The following LMNB1 variants were observed in gnomAD, a reference collection of about 807,000 sequenced individuals.
The protein encoded by LMNB1 is lamin B1.
LMNB1 carries 23 observed loss-of-function variants against 67.1 expected under a neutral mutation model. The ratio of observed to expected loss-of-function variants is 0.34; its 90% CI spans 0.25 to 0.49. LMNB1 has a LOEUF of 0.49. LMNB1 is among the 20% of genes least tolerant of loss of function. The pLI is 0.99. For missense variants in LMNB1, 634 were observed against 746.5 expected, an observed-to-expected ratio of 0.85 and a Z score of 1.76; for synonymous variants, 281 against 282.9, an observed-to-expected ratio of 0.99 and a Z score of 0.07.
intron 5 of LMNB1, among the ~76,000 whole-genome samples, chr5:126,818,431 G>A (rs927355332): frequency 2.0e-5 from 3 of 151,912 alleles, no homozygotes; most frequent in East Asian, 1.9e-4. Context: ...TAGTAGAGAC[G>A]GGGTTTCGCC....
In LMNB1 at chr5:126,821,151, CT is replaced by C. The variant is rs36106959; in HGVS notation, c.1386+24del. On this transcript the variant is annotated intron_variant, in intron 7 of 10. Coordinates refer to ENST00000261366, the MANE Select transcript of LMNB1 (RefSeq NM_005573.4). ...TTCTGAACAGGTAATAAAATAGACC[CT>C]TTTTTTTCTAGCAAGGCTTTGTGGA... 1.5e-5 allele frequency: 23 copies of C among 1,534,738 alleles called. No individual in the cohort carries two copies. Among genetic ancestry groups the C allele is most frequent in the African/African-American group, 2.7e-5 (2 of 73,150 alleles).
intron 1 of LMNB1, among the ~76,000 whole-genome samples, chr5:126,795,933 C>CTTTTTTTTTTTTTTTTTTTTTTT (rs70997314): frequency 2.4e-5 from 2 of 82,084 alleles, no homozygotes; most frequent in African/African-American, 4.5e-5. Flanking sequence ...GCCCAGGATG[C>CTTTTTTTTTTTTTTTTTTTTTTT]TTTTTTTTTT....
chr5:126,777,196 C>T lies in LMNB1; in HGVS notation c.-313C>T. On this transcript the variant is annotated 5_prime_UTR_variant, in exon 1 of 11. Coordinates refer to ENST00000261366, the MANE Select transcript of LMNB1 (RefSeq NM_005573.4). ...AGCAGGAGACGGCGGCGGCGCGAAC[C>T]CTGCTGGGCCTCCAGTCACCCTCGT... 1 of 278,088 alleles carries T rather than the reference C, an allele frequency of 3.6e-6. No individual in the cohort carries two copies. Among genetic ancestry groups the T allele is most frequent in the Non-Finnish European group, 6.7e-6 (1 of 149,602 alleles). 17.2% of individuals were successfully genotyped at this position (278,088 alleles called of 1,614,324 possible). A position where few individuals can be genotyped will look rare whatever the true frequency, so the allele number is the denominator to read the frequency against.
At chr5:126,809,076 T>TA (rs1347156270) in intron 3 of LMNB1, among the ~76,000 whole-genome samples, 1 of 152,112 alleles carries the variant, frequency 6.6e-6, no homozygotes, top group Non-Finnish European at 1.5e-5. Context: ...GGTTTTACCA[T>TA]ATTGGCCAGG....
At chr5:126,782,813 G>A (rs1750662880) in intron 1 of LMNB1, among the ~76,000 whole-genome samples, 1 of 152,202 alleles carries the variant, frequency 6.6e-6, no homozygotes, top group East Asian at 1.9e-4. Flanking sequence ...CTCCCAAAGT[G>A]CTGGGATTAC....
chr5:126,821,159 T>TC lies in LMNB1; in HGVS notation c.1386+25dup, dbSNP rs1339073343. ...AGGTAATAAAATAGACCCTTTTTTT[T>TC]CTAGCAAGGCTTTGTGGATTGCTAG... On this transcript the variant is annotated intron_variant, in intron 7 of 10. Coordinates refer to ENST00000261366, the MANE Select transcript of LMNB1 (RefSeq NM_005573.4). The TC allele has an allele frequency of 4.7e-6, 7 of 1,497,266 alleles. No homozygotes were observed. The Admixed American group carries it at 1.2e-4, about 25-fold the overall frequency. The allele number at this position is 1,497,266 out of a possible 1,614,324, so 92.7% of individuals were successfully genotyped here.
chr5:126,826,954 T>C (rs1752011722), intron 9 of LMNB1, among the ~76,000 whole-genome samples: 1 of 152,240 alleles, frequency 6.6e-6, no homozygotes, highest in Non-Finnish European at 1.5e-5. Flanking sequence ...ATCCTTTGCC[T>C]ACCAGGAGAG....
At chr5:126,786,755 C>G (rs543899321) in intron 1 of LMNB1, among the ~76,000 whole-genome samples, 1 of 152,070 alleles carries the variant, frequency 6.6e-6, no homozygotes, top group African/African-American at 2.4e-5. Flanking sequence ...ATGTTTTTCA[C>G]GTTGATAGTT....
chr5:126,792,617 C>G (rs1222361234), intron 1 of LMNB1, among the ~76,000 whole-genome samples: 2 of 130,362 alleles, frequency 1.5e-5, no homozygotes, highest in Non-Finnish European at 3.1e-5. Flanking sequence ...ACTCTTGTTG[C>G]CCAGGCTGGA....
chr5:126,777,117 CCTCCTCCCCCCGCCCG>C (rs1750473079), upstream of LMNB1: 1 of 165,474 alleles, frequency 6.0e-6, no homozygotes, highest in African/African-American at 2.4e-5. Context: ...CCCTCCCGGC[CCTCCTCCCCCCGCCCG>C]CCGCTCCGTG....
rs754940144 is a variant in LMNB1, at chr5:126,832,674, T to C, written c.1612-20T>C. 7.1e-6 allele frequency: 11 copies of C among 1,558,824 alleles called. No individual in the cohort carries two copies. The highest frequency in any genetic ancestry group is 9.7e-6 in the Non-Finnish European group (11 of 1,131,446). On this transcript the variant is annotated intron_variant, in intron 9 of 10. Transcript: ENST00000261366. ...GTGATTTTAAGTGTGTTTTTTAACT[T>C]AAACTACTATTGTTTTTAGGAGGTT...
In LMNB1 at chr5:126,813,298, A is replaced by C. The variant is rs138378596; in HGVS notation, c.939+1400A>C. 4.1e-3 allele frequency among the ~76,000 whole-genome samples: 632 copies of C among 152,314 alleles called. 6 individuals are homozygous for C. Among genetic ancestry groups the C allele is most frequent in the African/African-American group, 0.014 (590 of 41,562 alleles). On this transcript the variant is annotated intron_variant, in intron 5 of 10. Transcript: ENST00000261366. ...GATAGTGTTTTGAAGATTTTCATTT[A>C]ATAGCAGAGCTGGAAGCACCTCTGA... is the stretch of plus-strand genomic sequence containing the variant.
rs115455016 is a variant in LMNB1 at position 126,778,195 on chromosome 5, G to A, written c.359+328G>A. On this transcript the variant is annotated intron_variant, in intron 1 of 10. Transcript: ENST00000261366. Reference sequence around the variant, plus strand: ...GCACTCGAATCCGGGGAGCCGGCGCGGAGAGGCGGCCCCTCAGGCCCCAGG... The same window carrying A: ...GCACTCGAATCCGGGGAGCCGGCGCAGAGAGGCGGCCCCTCAGGCCCCAGG... Among the ~76,000 whole-genome samples the A allele has an allele frequency of 9.5e-3, 1,450 of 152,232 alleles. 26 individuals are homozygous for A. Among genetic ancestry groups the A allele is most frequent in the African/African-American group, 0.033 (1,368 of 41,552 alleles).
chr5:126,819,104 C>T lies in LMNB1; in HGVS notation c.1122C>T (p.Ile374=). ...TAAAGTTAGCCCTGGACATGGAAAT[C>T]AGTGCTTACAGGAAACTCTTAGAAG... The part of the protein sequence containing the change: ...LDVKLALDME[I]SAYRKLLEGE... The change falls in exon 6 of 11, where the codon ATC becomes ATT. Residue 374 remains isoleucine (I), a synonymous_variant. Coordinates refer to ENST00000261366, the MANE Select transcript of LMNB1 (RefSeq NM_005573.4). 1 of 1,614,106 alleles carries T rather than the reference C, an allele frequency of 6.2e-7. No homozygotes were observed. The highest frequency in any genetic ancestry group is 1.7e-5 in the Admixed American group (1 of 60,024).
At chr5:126,806,774 C>A (rs1259475264) in intron 3 of LMNB1, among the ~76,000 whole-genome samples, 1 of 145,376 alleles carries the variant, frequency 6.9e-6, no homozygotes, top group South Asian at 2.3e-4. Flanking sequence ...CATTTATAGG[C>A]GTGTAAATTT....
rs772420490 is a variant in LMNB1 at position 126,828,735 on chromosome 5, A to T, written c.1611+2628A>T. Among the ~76,000 whole-genome samples the T allele has an allele frequency of 4.1e-4, 63 of 151,896 alleles. No individual in the cohort carries two copies. The Middle Eastern group carries it at 0.01, about 25-fold the overall frequency. On this transcript the variant is annotated intron_variant, in intron 9 of 10. Coordinates refer to ENST00000261366, the MANE Select transcript of LMNB1 (RefSeq NM_005573.4). ...GTGCCAACACACCTGGCTAATTTTT[A>T]TATTTTTAGTAGAGATGGGGTTTTA...
rs775438072 is a variant in LMNB1, at chr5:126,804,840, C to G, written c.424C>G (p.Leu142Val). ...QIKLREYEAA[L>V]NSKDAALATA... ...CAAGCTTCGAGAATATGAAGCAGCA[C>G]TGAATTCGAAAGATGCAGCTCTTGC... The change falls in exon 2 of 11, where the codon CTG (leucine) becomes GTG (valine). Residue 142 changes from leucine (L) to valine (V), a missense_variant. Coordinates refer to ENST00000261366, the MANE Select transcript of LMNB1 (RefSeq NM_005573.4). 3.1e-6 allele frequency: 5 copies of G among 1,613,944 alleles called. No individual in the cohort carries two copies. In the Admixed American group the frequency reaches 8.3e-5, roughly 27 times the overall value.
At position 126,805,644 on chromosome 5, in the gene LMNB1, G is replaced by A. The variant is rs772477274; in HGVS notation, c.590G>A (p.Arg197His). 10 of 1,612,896 alleles carry A rather than the reference G, an allele frequency of 6.2e-6. No individual in the cohort carries two copies. Among genetic ancestry groups the A allele is most frequent in the South Asian group, 2.2e-5 (2 of 91,018 alleles). Residue 197 changes from arginine to histidine, a missense_variant, in exon 3 of 11, where the codon CGT (arginine) becomes CAT (histidine). Physicochemically the swap from Arg to His is conservative, Grantham distance 29. Transcript: ENST00000261366. Reference sequence around the variant, plus strand: ...TTACTTAAAGTAGATTTGGAGAATCGTTGTCAGAGCCTTACTGAGGACTTG... The same window carrying A: ...TTACTTAAAGTAGATTTGGAGAATCATTGTCAGAGCCTTACTGAGGACTTG... ...ETLLKVDLEN[R>H]CQSLTEDLEF...
chr5:126,800,959 AT>A (rs1751259308), intron 1 of LMNB1, among the ~76,000 whole-genome samples: 1 of 68,824 alleles, frequency 1.5e-5, no homozygotes, highest in East Asian at 3.5e-4. Context: ...GACTATATAT[AT>A]ATATATATAT....
Sources: gnomAD v4.1 joint callset for allele counts (sites outside exome capture counted in the v4.1 genomes callset) on GRCh38, gnomAD v4.1.1 for gene constraint, MANE v1.5 for transcripts, NCBI Gene and HGNC (gene_info 2026-07-23, HGNC 2026-07-21) for gene names.